The following PARM1 variants were observed in gnomAD, a reference collection of about 807,000 sequenced individuals.
PARM1 encodes WSC4, cell wall integrity and stress response component 4 homolog.
In PARM1, 14 loss-of-function variants were observed where a neutral mutation model predicts 24.6. The ratio of observed to expected loss-of-function variants is 0.57; its 90% confidence interval spans 0.38 to 0.89. The LOEUF is 0.89. Among genes scored for constraint, PARM1 ranks in the 40% least tolerant of loss-of-function variants. PARM1 has a pLI of 0.00. For synonymous variants in PARM1, 179 were observed against 156.6 expected, an observed-to-expected ratio of 1.14 and a Z score of -1.07; for missense variants, 362 against 380.4, an observed-to-expected ratio of 0.95 and a Z score of 0.40.
intron 2 of PARM1, among the ~76,000 whole-genome samples, chr4:75,030,256 G>C (rs1252337899): frequency 6.6e-6 from 1 of 152,122 alleles, no homozygotes; most frequent in African/African-American, 2.4e-5. Context: ...ATAGTACTGG[G>C]TCCAAATGAT....
At chr4:74,944,925 GT>G (rs1280449178) in intron 1 of PARM1, among the ~76,000 whole-genome samples, 11 of 152,140 alleles carry the variant, frequency 7.2e-5, no homozygotes, top group Non-Finnish European at 1.3e-4. Flanking sequence ...TCAAAGTCCT[GT>G]TTGTTTGCTT....
At chr4:74,959,084 A>G (rs1721706829) in intron 1 of PARM1, among the ~76,000 whole-genome samples, 1 of 152,192 alleles carries the variant, frequency 6.6e-6, no homozygotes, top group South Asian at 2.1e-4. Context: ...CAGACTACTG[A>G]GCATTCGAAA....
intron 1 of PARM1, among the ~76,000 whole-genome samples, chr4:74,981,203 A>T (rs1242164783): frequency 6.6e-6 from 1 of 152,230 alleles, no homozygotes; most frequent in African/African-American, 2.4e-5. Context: ...ACATTTTTGC[A>T]ATCTATCCAT....
chr4:75,022,628 A>T (rs1171248124), intron 2 of PARM1, among the ~76,000 whole-genome samples: 4 of 152,222 alleles, frequency 2.6e-5, no homozygotes, highest in Non-Finnish European at 5.9e-5. Flanking sequence ...CATATGATGA[A>T]AGTGGCTGTG....
At chr4:74,960,586 A>G (rs940333001) in intron 1 of PARM1, among the ~76,000 whole-genome samples, 6 of 152,208 alleles carry the variant, frequency 3.9e-5, no homozygotes, top group African/African-American at 1.4e-4. Flanking sequence ...ATTATATTCA[A>G]AAGTCCAGTA....
Position 75,049,857 on chromosome 4 carries a change from C to CTTTTTTTTTTTTTTTTTTTT in PARM1, c.*3618_*3619insTTTTTTTTTTTTTTTTTTTT, listed in dbSNP as rs958932898. The CTTTTTTTTTTTTTTTTTTTT allele has an allele frequency of 2.9e-5, 4 of 138,688 alleles. 1 individual carries two copies. Among genetic ancestry groups the CTTTTTTTTTTTTTTTTTTTT allele is most frequent in the Admixed American group, 1.4e-4 (2 of 13,806 alleles). The allele number at this position is 138,688 out of a possible 1,614,324, so 8.6% of individuals were successfully genotyped here. A position where few individuals can be genotyped will look rare whatever the true frequency, so the allele number is the denominator to read the frequency against. ...TGATTCACCTTCTTTGCCTTTAAGC[C>CTTTTTTTTTTTTTTTTTTTT]TTTTTTTTCTTTTTTTTTTTTTTGG... On this transcript the variant is annotated 3_prime_UTR_variant, in exon 4 of 4. Coordinates refer to ENST00000307428, the MANE Select transcript of PARM1 (RefSeq NM_015393.4).
intron 1 of PARM1, among the ~76,000 whole-genome samples, chr4:74,959,116 A>G (rs1721707620): frequency 6.6e-6 from 1 of 152,206 alleles, no homozygotes; most frequent in African/African-American, 2.4e-5. Flanking sequence ...CAATTGAGGA[A>G]CTGAAATTTT....
intron 1 of PARM1, among the ~76,000 whole-genome samples, chr4:74,952,500 T>C (rs1290398232): frequency 6.6e-6 from 1 of 152,244 alleles, no homozygotes; most frequent in East Asian, 1.9e-4. Flanking sequence ...GTTTTAGCCA[T>C]GAAGTCTTTG....
At chr4:75,005,412 G>A (rs1722752188) in intron 1 of PARM1, among the ~76,000 whole-genome samples, 2 of 152,210 alleles carry the variant, frequency 1.3e-5, no homozygotes, top group Admixed American at 1.3e-4. Flanking sequence ...CTGCAACTCT[G>A]CCACTGGCCC....
chr4:74,983,102 A>G (rs966297323), intron 1 of PARM1, among the ~76,000 whole-genome samples: 2 of 152,200 alleles, frequency 1.3e-5, no homozygotes, highest in African/African-American at 4.8e-5. Flanking sequence ...GGAAAATTAG[A>G]GGAACTGATT....
At chr4:74,949,612 T>G (rs1721485898) in intron 1 of PARM1, among the ~76,000 whole-genome samples, 1 of 152,248 alleles carries the variant, frequency 6.6e-6, no homozygotes, top group Admixed American at 6.5e-5. Flanking sequence ...GCGCCCAGCC[T>G]ATAGGTCAGT....
chr4:74,935,111 C>T lies in PARM1; in HGVS notation c.43+1741C>T, dbSNP rs371946370. ...GCGAGGAGACTGGTGGGCCAGGGAC[C>T]GGCTGAGCACCACTCCTACCCCCAC... On this transcript the variant is annotated intron_variant, in intron 1 of 3. Coordinates refer to ENST00000307428, the MANE Select transcript of PARM1 (RefSeq NM_015393.4). 1.5e-4 allele frequency among the ~76,000 whole-genome samples: 23 copies of T among 152,036 alleles called. No individual in the cohort carries two copies. The South Asian group carries it at 3.5e-3, about 23-fold the overall frequency.
intron 1 of PARM1, among the ~76,000 whole-genome samples, chr4:74,946,574 C>T (rs987955669): frequency 3.3e-5 from 5 of 152,068 alleles, no homozygotes; most frequent in African/African-American, 1.2e-4. Flanking sequence ...GTGGCTAATT[C>T]CGGGTCTGGG....
intron 2 of PARM1, among the ~76,000 whole-genome samples, chr4:75,022,009 T>C (rs560415834): frequency 8.1e-4 from 123 of 152,320 alleles, no homozygotes; most frequent in Admixed American, 6.5e-5. Context: ...GGTAATTCTG[T>C]TTCAAGCTCT....
chr4:75,039,085 G>A (rs1349734404), intron 3 of PARM1, among the ~76,000 whole-genome samples: 2 of 152,228 alleles, frequency 1.3e-5, no homozygotes, highest in Non-Finnish European at 2.9e-5. Context: ...GGCCCAGCCA[G>A]CCATAAAGGC....
chr4:74,933,460 A>C, intron 1 of PARM1, 90 bp downstream of exon 1: 1 of 1,130,930 alleles, frequency 8.8e-7, no homozygotes, highest in Non-Finnish European at 1.3e-6. Context: ...GAGATCCGGC[A>C]GTGAGTCGCC....
At chr4:74,951,616 A>G (rs1269292203) in intron 1 of PARM1, among the ~76,000 whole-genome samples, 2 of 151,790 alleles carry the variant, frequency 1.3e-5, no homozygotes, top group African/African-American at 4.8e-5. Flanking sequence ...CAGGCCCCAA[A>G]TGATGTTCCC....
intron 2 of PARM1, 136 bp downstream of exon 2, chr4:75,013,286 C>A: frequency 1.1e-6 from 1 of 939,452 alleles, no homozygotes; most frequent in Non-Finnish European, 1.6e-6. Flanking sequence ...ACAAGAATTT[C>A]CACGAGTGCA....
chr4:75,043,790 T>C (rs1202664169), intron 3 of PARM1, among the ~76,000 whole-genome samples: 1 of 152,230 alleles, frequency 6.6e-6, no homozygotes. Flanking sequence ...AGACAGCCCA[T>C]GACCTTTGTT....
Sources: allele counts gnomAD v4.1 joint callset (sites outside exome capture counted in the v4.1 genomes callset), GRCh38; gene constraint gnomAD v4.1.1; transcripts MANE v1.5; gene names NCBI Gene and HGNC (gene_info 2026-07-23, HGNC 2026-07-21).